The following STAU2 variants were observed in gnomAD, a reference collection of about 807,000 sequenced individuals.
STAU2 encodes double-stranded RNA-binding protein Staufen homolog 2.
In STAU2, 20 loss-of-function variants were observed where a neutral mutation model predicts 65.9. The observed-to-expected ratio is 0.30, with a 90% CI of 0.21 to 0.44. The LOEUF (loss-of-function observed/expected upper bound fraction) is 0.44, where lower values mean the gene tolerates loss of function less well. STAU2 is among the 20% of genes least tolerant of loss of function. STAU2 has a pLI of 1.00. For synonymous variants in STAU2, 232 were observed against 233.9 expected (o/e 0.99, Z 0.07); for missense variants, 558 against 683.9 (o/e 0.82, Z 2.05).
At chr8:73,643,357 A>G (rs1441012693) in intron 6 of STAU2, among the ~76,000 whole-genome samples, 1 of 152,184 alleles carries the variant, frequency 6.6e-6, no homozygotes, top group Non-Finnish European at 1.5e-5. Context: ...ACACACATAC[A>G]AGAAGGAAAT....
At position 73,671,656 on chromosome 8, in the gene STAU2, A is replaced by C. The variant is rs558867414; in HGVS notation, c.410+1451T>G. 1.4e-4 allele frequency among the ~76,000 whole-genome samples: 21 copies of C among 152,304 alleles called. No individual in the cohort carries two copies. The South Asian group carries it at 4.3e-3, about 32-fold the overall frequency. ...GCAATCTTAACAAAAAAGAGGGCAT[A>C]AACAACCTAGATAAAAAAATAGACA... On this transcript the variant is annotated intron_variant, in intron 6 of 14. Coordinates refer to ENST00000524300, the MANE Select transcript of STAU2 (RefSeq NM_001164380.2).
rs1333139591 is a variant in STAU2, at chr8:73,421,134, T to C, written c.*238A>G. 2.4e-6 allele frequency: 1 copy of C among 408,796 alleles called. No homozygotes were observed. The highest frequency in any genetic ancestry group is 4.3e-6 in the Non-Finnish European group (1 of 231,470). The allele number at this position is 408,796 out of a possible 1,614,324, so 25.3% of individuals were successfully genotyped here. ...TCCAGTAGCAGGATCAGATTTCTGC[T>C]GCCTCTAGGCAAATGAGTTATGATC... On this transcript the variant is annotated 3_prime_UTR_variant, in exon 15 of 15. Coordinates refer to ENST00000524300, the MANE Select transcript of STAU2 (RefSeq NM_001164380.2).
Position 73,709,141 on chromosome 8 carries a change from G to C in STAU2, c.5C>G (p.Ala2Gly). The C allele has an allele frequency of 6.6e-7, 1 of 1,526,152 alleles. No homozygotes were observed. The highest frequency in any genetic ancestry group is 8.8e-7 in the Non-Finnish European group (1 of 1,141,172). 94.5% of individuals were successfully genotyped at this position (1,526,152 alleles called of 1,614,324 possible). A position where few individuals can be genotyped will look rare whatever the true frequency, so the allele number is the denominator to read the frequency against. Residue 2 changes from alanine to glycine, a missense_variant, in exon 4 of 15, where the codon GCA becomes GGA. Physicochemically the swap from Ala to Gly is moderately conservative, Grantham distance 60. This residue lies in a region of STAU2 where 112 missense variants were observed against 114.2 expected (regional missense o/e 0.98). Coordinates refer to ENST00000524300, the MANE Select transcript of STAU2 (RefSeq NM_001164380.2). ...CATTGCAGTTTTCTCTTTTGGGTTT[G>C]CCATTTTATCTTGGAGAGAAGCTGT... M[A>G]NPKEKTAMCL...
chr8:73,453,270 T>C (rs1818895038), intron 13 of STAU2, among the ~76,000 whole-genome samples: 1 of 152,202 alleles, frequency 6.6e-6, no homozygotes, highest in South Asian at 2.1e-4. Flanking sequence ...TTGGCAATTA[T>C]TGTAAAAGGG....
At chr8:73,651,779 G>A (rs938421672) in intron 6 of STAU2, among the ~76,000 whole-genome samples, 14 of 152,204 alleles carry the variant, frequency 9.2e-5, no homozygotes, top group African/African-American at 3.1e-4. Context: ...TGCCGGAGAC[G>A]GGATGCATTT....
intron 6 of STAU2, among the ~76,000 whole-genome samples, chr8:73,630,213 C>G (rs1412128230): frequency 2.0e-5 from 3 of 152,216 alleles, no homozygotes; most frequent in African/African-American, 7.2e-5. Flanking sequence ...CCTATGCTCT[C>G]CTTTTCCTGC....
chr8:73,548,387 A>T, intron 13 of STAU2, among the ~76,000 whole-genome samples: 1 of 151,516 alleles, frequency 6.6e-6, no homozygotes, highest in Non-Finnish European at 1.5e-5. Context: ...ACCAGCCACC[A>T]CCCCCCCACT....
chr8:73,429,099 A>G (rs1441089056), intron 13 of STAU2, among the ~76,000 whole-genome samples: 2 of 152,176 alleles, frequency 1.3e-5, no homozygotes, highest in Non-Finnish European at 2.9e-5. Flanking sequence ...CTCAACCCAC[A>G]TCTCACTGAT....
intron 3 of STAU2, among the ~76,000 whole-genome samples, chr8:73,714,186 A>G (rs935231602): frequency 1.4e-4 from 21 of 152,180 alleles, no homozygotes; most frequent in African/African-American, 4.6e-4. Flanking sequence ...TACAGGCGTG[A>G]GCCACCACGC....
intron 9 of STAU2, among the ~76,000 whole-genome samples, chr8:73,611,973 G>A (rs544611464): frequency 2.0e-4 from 31 of 152,190 alleles, no homozygotes; most frequent in South Asian, 4.2e-4. Context: ...ATGAGCCACC[G>A]TGCCCAGCCT....
intron 3 of STAU2, among the ~76,000 whole-genome samples, chr8:73,729,558 A>G (rs1422735306): frequency 1.3e-5 from 2 of 152,238 alleles, no homozygotes; most frequent in East Asian, 3.9e-4. Context: ...GAGAAGCAAT[A>G]TGGTACTGGA....
intron 3 of STAU2, among the ~76,000 whole-genome samples, chr8:73,722,161 A>G (rs185884088): frequency 6.6e-6 from 1 of 152,190 alleles, no homozygotes; most frequent in African/African-American, 2.4e-5. Flanking sequence ...AAAGAATCTT[A>G]TAACAGTATA....
intron 13 of STAU2, among the ~76,000 whole-genome samples, chr8:73,434,627 C>T (rs4738353): frequency 0.03 from 4,569 of 151,856 alleles, 247 homozygotes; most frequent in Admixed American, 0.13. Context: ...GTGACTGCAC[C>T]GGATTATCTG....
At chr8:73,688,003 C>T (rs1486871535) in intron 5 of STAU2, among the ~76,000 whole-genome samples, 1 of 151,164 alleles carries the variant, frequency 6.6e-6, no homozygotes, top group Non-Finnish European at 1.5e-5. Context: ...CGTGAGCCAC[C>T]GCGCCCGGCC....
At chr8:73,478,283 A>C (rs1820421550) in intron 13 of STAU2, among the ~76,000 whole-genome samples, 1 of 148,120 alleles carries the variant, frequency 6.8e-6, no homozygotes, top group Non-Finnish European at 1.5e-5. Flanking sequence ...AAATACACTA[A>C]CACTAACGAT....
intron 4 of STAU2, among the ~76,000 whole-genome samples, chr8:73,703,268 G>A (rs1309371131): frequency 6.6e-6 from 1 of 152,058 alleles, no homozygotes; most frequent in Non-Finnish European, 1.5e-5. Flanking sequence ...ATATAAAAGT[G>A]TGTGGGACCC....
intron 6 of STAU2, among the ~76,000 whole-genome samples, chr8:73,618,961 G>T (rs141763923): frequency 6.6e-5 from 10 of 152,294 alleles, no homozygotes; most frequent in African/African-American, 2.4e-4. Context: ...AAATGGGTTT[G>T]CTGGGGGTGG....
chr8:73,580,355 A>C (rs112637718), intron 12 of STAU2, among the ~76,000 whole-genome samples: 1,632 of 152,324 alleles, frequency 0.011, 30 homozygotes, highest in African/African-American at 0.037. Context: ...AACTCTTAAC[A>C]GAGAAAATTG....
At chr8:73,502,584 G>A (rs1228186617) in intron 13 of STAU2, among the ~76,000 whole-genome samples, 1 of 152,018 alleles carries the variant, frequency 6.6e-6, no homozygotes, top group Non-Finnish European at 1.5e-5. Flanking sequence ...TAAAAGGCCC[G>A]AATGCCTTTT....
Sources: gnomAD v4.1 joint callset for allele counts (sites outside exome capture counted in the v4.1 genomes callset) on GRCh38, gnomAD v4.1.1 for gene constraint, gnomAD v4.1.1 regional missense constraint, MANE v1.5 for transcripts, NCBI Gene and HGNC (gene_info 2026-07-23, HGNC 2026-07-21) for gene names.